EYS: variants seen among roughly 807,000 people sequenced by gnomAD.
EYS encodes the protein protein eyes shut homolog.
EYS carries 250 observed loss-of-function variants against 282.1 expected under a neutral mutation model. The observed-to-expected ratio is 0.89, with a 90% CI of 0.80 to 0.98. The LOEUF is 0.98. Among genes scored for constraint, EYS ranks in the 50% least tolerant of loss-of-function variants. The pLI, the probability that EYS is intolerant of heterozygous loss-of-function variation, is 0.00. For missense variants in EYS, 4,016 were observed against 3,709.0 expected, an observed-to-expected ratio of 1.08 and a Z score of -2.15; for synonymous variants, 1,355 against 1,282.9, an observed-to-expected ratio of 1.06 and a Z score of -1.20.
At chr6:65,599,954 T>A (rs1765558811) in intron 2 of EYS, among the ~76,000 whole-genome samples, 1 of 152,098 alleles carries the variant, frequency 6.6e-6, no homozygotes, top group Non-Finnish European at 1.5e-5. Context: ...GCTGTTGACA[T>A]CTGCTAGTGA....
In EYS at chr6:64,608,408, G is replaced by T. The variant is rs534617834; in HGVS notation, c.3684+9010C>A. Among the ~76,000 whole-genome samples the T allele has an allele frequency of 2.4e-3, 371 of 152,198 alleles. 5 individuals are homozygous for T. Among genetic ancestry groups the T allele is most frequent in the Non-Finnish European group, 2.5e-3 (172 of 67,992 alleles). ...ATATATAGCCACAAAAATAATTGAT[G>T]AATTACAATTTTAGTAATTGCTATG... On this transcript the variant is annotated intron_variant, in intron 24 of 42. Transcript: ENST00000503581.
intron 29 of EYS, among the ~76,000 whole-genome samples, chr6:64,322,199 C>T (rs917853639): frequency 1.3e-5 from 2 of 151,948 alleles, no homozygotes; most frequent in African/African-American, 4.8e-5. Flanking sequence ...AATTAATCGA[C>T]ATTTTTTCCC....
At chr6:64,137,966 C>T (rs7749221) in intron 31 of EYS, among the ~76,000 whole-genome samples, 12,732 of 152,132 alleles carry the variant, frequency 0.084, 1,666 homozygotes, top group African/African-American at 0.28. Flanking sequence ...TAAAGTGAGG[C>T]ATGCCTGTAT....
chr6:64,997,848 A>G (rs1771324394), intron 13 of EYS, 145 bp from the exon 14 acceptor site: 1 of 641,764 alleles, frequency 1.6e-6, no homozygotes, highest in Admixed American at 3.5e-5. Flanking sequence ...TCGATTACAT[A>G]GTCATCTACA....
At chr6:64,698,510 T>C (rs935394540) in intron 22 of EYS, among the ~76,000 whole-genome samples, 8 of 152,066 alleles carry the variant, frequency 5.3e-5, no homozygotes, top group East Asian at 1.9e-4. Context: ...TAAGGGCTTC[T>C]ACACAGCAGC....
chr6:64,221,908 G>A (rs184537489), intron 31 of EYS, among the ~76,000 whole-genome samples: 146 of 152,062 alleles, frequency 9.6e-4, no homozygotes, highest in African/African-American at 3.4e-3. Flanking sequence ...ACTGCGGGAC[G>A]GTCTTAGAAT....
At chr6:63,888,386 G>A (rs901313052) in intron 35 of EYS, among the ~76,000 whole-genome samples, 5 of 152,226 alleles carry the variant, frequency 3.3e-5, no homozygotes, top group African/African-American at 1.2e-4. Flanking sequence ...TCATACAGGA[G>A]AGCTCTGTCT....
At chr6:65,646,469 C>T (rs535009111) in intron 1 of EYS, among the ~76,000 whole-genome samples, 12 of 152,220 alleles carry the variant, frequency 7.9e-5, no homozygotes, top group African/African-American at 2.9e-4. Context: ...TGATAAAATA[C>T]AGCATCCTTT....
intron 22 of EYS, among the ~76,000 whole-genome samples, chr6:64,656,739 G>T (rs1172242555): frequency 6.6e-6 from 1 of 152,112 alleles, no homozygotes; most frequent in Non-Finnish European, 1.5e-5. Context: ...TCCTGGATTG[G>T]GAGGATGAGA....
At chr6:64,569,848 T>C (rs115183665) in intron 26 of EYS, among the ~76,000 whole-genome samples, 1,726 of 152,080 alleles carry the variant, frequency 0.011, 29 homozygotes, top group African/African-American at 0.04. Context: ...AGGGGGAGAA[T>C]GGAACCAAGA....
At chr6:64,135,411 C>T (rs959478106) in intron 31 of EYS, among the ~76,000 whole-genome samples, 1 of 151,766 alleles carries the variant, frequency 6.6e-6, no homozygotes, top group African/African-American at 2.4e-5. Context: ...TTCCTGTGAT[C>T]AAAACAGAGG....
chr6:65,499,558 A>C (rs1766375142), intron 2 of EYS, among the ~76,000 whole-genome samples: 1 of 152,042 alleles, frequency 6.6e-6, no homozygotes, highest in Non-Finnish European at 1.5e-5. Context: ...GTACTTTCAA[A>C]ACATATACAA....
intron 36 of EYS, among the ~76,000 whole-genome samples, chr6:63,810,004 G>A (rs1432665744): frequency 1.3e-5 from 2 of 151,494 alleles, no homozygotes; most frequent in African/African-American, 2.4e-5. Context: ...CACTTTGGGA[G>A]GCCGAGGCGG....
chr6:65,690,635 T>C (rs1205527506), intron 1 of EYS, among the ~76,000 whole-genome samples: 1 of 149,748 alleles, frequency 6.7e-6, no homozygotes, highest in Non-Finnish European at 1.5e-5. Context: ...ATCAGGAGCA[T>C]TTCATCTTTT....
intron 31 of EYS, among the ~76,000 whole-genome samples, chr6:64,132,968 T>C (rs895640005): frequency 6.6e-6 from 1 of 152,004 alleles, no homozygotes; most frequent in Non-Finnish European, 1.5e-5. Context: ...GTAAGTAAAA[T>C]TGAATGTACT....
intron 2 of EYS, among the ~76,000 whole-genome samples, chr6:65,530,779 T>C (rs957568718): frequency 1.1e-4 from 16 of 152,180 alleles, no homozygotes; most frequent in Non-Finnish European, 1.5e-5. Context: ...AAGGACATCA[T>C]GTATGTAGAG....
chr6:64,299,822 C>T (rs558431469), intron 30 of EYS, among the ~76,000 whole-genome samples: 1 of 152,268 alleles, frequency 6.6e-6, no homozygotes, highest in South Asian at 2.1e-4. Flanking sequence ...ACATCATCAG[C>T]AGTGGGTCCC....
At chr6:63,900,393 G>T (rs1327344977) in intron 35 of EYS, among the ~76,000 whole-genome samples, 1 of 152,092 alleles carries the variant, frequency 6.6e-6, no homozygotes, top group African/African-American at 2.4e-5. Context: ...AAGTCCAAGA[G>T]AAATCAAATT....
intron 33 of EYS, among the ~76,000 whole-genome samples, chr6:64,025,351 A>T (rs1162888142): frequency 1.3e-5 from 2 of 152,076 alleles, no homozygotes; most frequent in Non-Finnish European, 2.9e-5. Flanking sequence ...AAGTTGGTTG[A>T]CCCTGCAGCC....
Sources: gnomAD v4.1 joint callset for allele counts (sites outside exome capture counted in the v4.1 genomes callset) on GRCh38, gnomAD v4.1.1 for gene constraint, MANE v1.5 for transcripts, NCBI Gene and HGNC (gene_info 2026-07-23, HGNC 2026-07-21) for gene names.